Variants in CETN3 observed in about 807,000 individuals in gnomAD.
CETN3 encodes centrin-3.
A neutral mutation model predicts 20.1 loss-of-function variants in CETN3; 17 were observed. The ratio of observed to expected loss-of-function variants is 0.85; its 90% CI spans 0.58 to 1.27. The LOEUF (loss-of-function observed/expected upper bound fraction) is 1.27. CETN3 is among the 50% of genes most tolerant of loss of function. The pLI is 0.00. For synonymous variants in CETN3, 52 were observed against 59.7 expected (o/e 0.87, Z 0.59); for missense variants, 169 against 191.2 (o/e 0.88, Z 0.69).
chr5:90,400,876 A>G (rs1445968059), intron 3 of CETN3, among the ~76,000 whole-genome samples: 1 of 152,308 alleles, frequency 6.6e-6, no homozygotes, highest in East Asian at 1.9e-4. Context: ...ATTCAGTCAA[A>G]AAGAAGCTGG....
intron 4 of CETN3, among the ~76,000 whole-genome samples, chr5:90,398,051 T>C (rs987901641): frequency 6.6e-6 from 1 of 152,114 alleles, no homozygotes; most frequent in African/African-American, 2.4e-5. Flanking sequence ...ATTTTATATA[T>C]GCTGTTGAGG....
intron 4 of CETN3, chr5:90,395,778 A>G: frequency 2.9e-6 from 2 of 693,268 alleles, no homozygotes; most frequent in Non-Finnish European, 3.5e-6. Flanking sequence ...CTAGTCTGAC[A>G]ATTTTTCTGT....
intron 4 of CETN3, chr5:90,395,987 T>C: frequency 1.1e-6 from 1 of 893,334 alleles, no homozygotes; most frequent in African/African-American, 1.8e-5. Flanking sequence ...AAAATACTAT[T>C]TATTATTAAA....
rs529399879 is a variant in CETN3, at chr5:90,403,639, A to G, written c.268+2046T>C. Among the ~76,000 whole-genome samples the G allele has an allele frequency of 7.1e-4, 108 of 152,092 alleles. 1 individual carries two copies. Among genetic ancestry groups the G allele is most frequent in the African/African-American group, 2.6e-3 (106 of 41,484 alleles). ...GTAATCCCAGCACTTTGGGAGGCCG[A>G]GGCGGGCGGATCACGAGGTCAGGAG... On this transcript the variant is annotated intron_variant, in intron 3 of 4. Coordinates refer to ENST00000283122, the MANE Select transcript of CETN3 (RefSeq NM_004365.4).
chr5:90,397,255 T>C (rs1346548555), intron 4 of CETN3, among the ~76,000 whole-genome samples: 2 of 152,132 alleles, frequency 1.3e-5, no homozygotes, highest in African/African-American at 4.8e-5. Flanking sequence ...TGTAGACAAT[T>C]AAAAGACAAT....
rs987753684 is a variant in CETN3 at position 90,403,786 on chromosome 5, G to A, written c.268+1899C>T. ...CTTGGGAGGCTGAGGCAGGAGAATG[G>A]CGTGAACCCGGGAGGCGGAGCTTGC... On this transcript the variant is annotated intron_variant, in intron 3 of 4. Coordinates refer to ENST00000283122, the MANE Select transcript of CETN3 (RefSeq NM_004365.4). 4.7e-5 allele frequency among the ~76,000 whole-genome samples: 7 copies of A among 147,390 alleles called. 1 individual carries two copies. Among genetic ancestry groups the A allele is most frequent in the Non-Finnish European group, 1.1e-4 (7 of 66,604 alleles).
intron 4 of CETN3, chr5:90,396,617 C>A: frequency 1.5e-6 from 2 of 1,322,980 alleles, no homozygotes; most frequent in South Asian, 2.7e-5. Flanking sequence ...GATTACAAAT[C>A]ATTTTAACAG....
intron 3 of CETN3, among the ~76,000 whole-genome samples, chr5:90,404,048 T>C (rs1270254197): frequency 5.3e-5 from 8 of 152,118 alleles, no homozygotes; most frequent in Non-Finnish European, 1.2e-4. Context: ...GATGCATATA[T>C]GATTATTTCG....
intron 4 of CETN3, among the ~76,000 whole-genome samples, chr5:90,395,497 C>T (rs781434325): frequency 1.7e-4 from 26 of 151,806 alleles, no homozygotes; most frequent in Non-Finnish European, 2.6e-4. Context: ...ATGAGACTGG[C>T]TAATCGTTGT....
At chr5:90,396,136 A>C in intron 4 of CETN3, 2 of 981,390 alleles carry the variant, frequency 2.0e-6, no homozygotes, top group Non-Finnish European at 2.4e-6. Context: ...GTAGAAAGAG[A>C]GCTGGGGTGG....
At chr5:90,408,966 CT>C (rs1244917307) in intron 1 of CETN3, among the ~76,000 whole-genome samples, 5 of 152,238 alleles carry the variant, frequency 3.3e-5, no homozygotes, top group Non-Finnish European at 5.9e-5. Context: ...CGACCCACCC[CT>C]GACCCCATCC....
chr5:90,402,457 C>G (rs1358236198), intron 3 of CETN3, among the ~76,000 whole-genome samples: 2 of 152,176 alleles, frequency 1.3e-5, no homozygotes, highest in Non-Finnish European at 2.9e-5. Flanking sequence ...CGTCTAGTAC[C>G]ATTCTTTGTT....
At position 90,399,339 on chromosome 5, in the gene CETN3, C is replaced by CGTTT; in HGVS notation, c.460+15_460+18dup. The CGTTT allele has an allele frequency of 6.2e-7, 1 of 1,611,236 alleles. No homozygotes were observed. Among genetic ancestry groups the CGTTT allele is most frequent in the Non-Finnish European group, 8.5e-7 (1 of 1,177,714 alleles). On this transcript the variant is annotated intron_variant, in intron 4 of 4. Transcript: ENST00000283122. Reference sequence around the variant, plus strand: ...TAGCATCAGGAAAACCTGGAAAATACGTTTCACTTAAAACTTACTTTCTCC... The same window carrying CGTTT: ...TAGCATCAGGAAAACCTGGAAAATACGTTTGTTTCACTTAAAACTTACTTTCTCC...
chr5:90,398,725 G>A (rs1749202852), intron 4 of CETN3, among the ~76,000 whole-genome samples: 1 of 152,140 alleles, frequency 6.6e-6, no homozygotes, highest in Non-Finnish European at 1.5e-5. Flanking sequence ...CTGAAGAATC[G>A]TTTCAAGTGT....
At chr5:90,403,187 T>C (rs1214198941) in intron 3 of CETN3, among the ~76,000 whole-genome samples, 1 of 152,176 alleles carries the variant, frequency 6.6e-6, no homozygotes, top group African/African-American at 2.4e-5. Context: ...GATATATCTG[T>C]GGAACAGTGT....
Position 90,407,887 on chromosome 5 carries a change from A to G in CETN3, c.18-53T>C. ...GTCCACTTTAATTCTCTTTACTAAC[A>G]GAAATTAGCCAATAATTACCTTCTA... On this transcript the variant is annotated intron_variant, in intron 1 of 4. Coordinates refer to ENST00000283122, the MANE Select transcript of CETN3 (RefSeq NM_004365.4). 7.2e-6 allele frequency: 10 copies of G among 1,396,686 alleles called. No homozygotes were observed. In the South Asian group the frequency reaches 1.5e-4, roughly 21 times the overall value. 86.5% of individuals were successfully genotyped at this position (1,396,686 alleles called of 1,614,324 possible). A position where few individuals can be genotyped will look rare whatever the true frequency, so the allele number is the denominator to read the frequency against.
At chr5:90,404,850 G>A (rs142853843) in intron 3 of CETN3, among the ~76,000 whole-genome samples, 3 of 147,692 alleles carry the variant, frequency 2.0e-5, no homozygotes, top group East Asian at 3.9e-4. Context: ...TGCTTATATC[G>A]TGACCCATTG....
chr5:90,399,317 C>T (rs1341898564), intron 4 of CETN3, 41 bp downstream of exon 4: 3 of 1,587,628 alleles, frequency 1.9e-6, no homozygotes, highest in Non-Finnish European at 2.6e-6. Context: ...ACATGTGTAG[C>T]ATCAGGAAAA....
At position 90,393,269 on chromosome 5, in the gene CETN3, A is replaced by G. The variant is rs1561404760; in HGVS notation, c.*795T>C. On this transcript the variant is annotated 3_prime_UTR_variant, in exon 5 of 5. Transcript: ENST00000283122. ...AGTTTTCTATTTTCATCACTGTGAC[A>G]TGTAATTGAGTGATAATTACCTTAA... is the stretch of plus-strand genomic sequence containing the variant. 1 of 152,234 alleles carries G rather than the reference A, an allele frequency of 6.6e-6. No homozygotes were observed. The highest frequency in any genetic ancestry group is 1.5e-5 in the Non-Finnish European group (1 of 68,032). 9.4% of individuals were successfully genotyped at this position (152,234 alleles called of 1,614,324 possible).
Sources: allele counts gnomAD v4.1 joint callset (sites outside exome capture counted in the v4.1 genomes callset), GRCh38; gene constraint gnomAD v4.1.1; transcripts MANE v1.5; gene names NCBI Gene and HGNC (gene_info 2026-07-23, HGNC 2026-07-21).